Variants in PCSK5 observed in about 807,000 individuals in gnomAD.
PCSK5 encodes the protein proprotein convertase subtilisin/kexin type 5.
A neutral mutation model predicts 233.2 loss-of-function variants in PCSK5; 129 were observed. The observed-to-expected ratio is 0.55, with a 90% CI of 0.48 to 0.64. The LOEUF is 0.64. Among genes scored for constraint, PCSK5 ranks in the 30% least tolerant of loss-of-function variants. The pLI, the probability that PCSK5 is intolerant of heterozygous loss-of-function variation, is 0.00. For synonymous variants in PCSK5, 825 were observed against 879.2 expected (o/e 0.94, Z 1.09); for missense variants, 2,076 against 2,430.1 (o/e 0.85, Z 3.06).
Position 76,328,219 on chromosome 9 carries a change from C to T in PCSK5, c.4550C>T (p.Pro1517Leu), listed in dbSNP as rs1295767631. Residue 1517 changes from proline (P) to leucine (L), a missense_variant, in exon 33 of 38, where the codon CCC (proline) becomes CTC (leucine). Transcript: ENST00000674117. ...GPAEDQCQTC[P>L]MNSLLLNTTC... is the part of the protein sequence containing the mutation. Reference sequence around the variant, plus strand: ...GCGGAGGACCAGTGTCAAACATGCCCCATGAACAGCCTTCTTCTCAGTGAG... The same window carrying T: ...GCGGAGGACCAGTGTCAAACATGCCTCATGAACAGCCTTCTTCTCAGTGAG... 1.9e-6 allele frequency: 3 copies of T among 1,611,830 alleles called. No homozygotes were observed. The highest frequency in any genetic ancestry group is 1.3e-5 in the African/African-American group (1 of 74,910).
chr9:76,223,105 C>A (rs1825782496), intron 20 of PCSK5, among the ~76,000 whole-genome samples: 2 of 152,184 alleles, frequency 1.3e-5, no homozygotes, highest in South Asian at 2.1e-4. Context: ...AACCAAGCAA[C>A]TGAATTCTCA....
chr9:76,162,045 G>A (rs1208391768), intron 12 of PCSK5, among the ~76,000 whole-genome samples: 1 of 152,180 alleles, frequency 6.6e-6, no homozygotes, highest in South Asian at 2.1e-4. Context: ...GGGAGGTAGA[G>A]AGCCTGGAGA....
At position 76,293,447 on chromosome 9, in the gene PCSK5, G is replaced by GT. The variant is rs982026529; in HGVS notation, c.3185+1180dup. ...CTCCTGACCCACTTTGTTTTTTTGGGTTTTTTTTGTTTGTTTGTTTTTAAG... is the reference window on the plus strand; with the variant it reads ...CTCCTGACCCACTTTGTTTTTTTGGGTTTTTTTTTGTTTGTTTGTTTTTAAG... On this transcript the variant is annotated intron_variant, in intron 25 of 37. Coordinates refer to ENST00000674117, the MANE Select transcript of PCSK5 (RefSeq NM_001372043.1). Among the ~76,000 whole-genome samples, 37 of 151,896 alleles carry GT rather than the reference G, an allele frequency of 2.4e-4. 1 individual carries two copies. In the East Asian group the frequency reaches 3.1e-3, roughly 13 times the overall value.
chr9:76,321,918 G>A (rs1319686539), intron 31 of PCSK5, among the ~76,000 whole-genome samples: 1 of 152,040 alleles, frequency 6.6e-6, no homozygotes, highest in Non-Finnish European at 1.5e-5. Flanking sequence ...TATCCTAGGT[G>A]CTAGAGGTAC....
At chr9:76,357,514 A>C (rs1830331230) in intron 37 of PCSK5, among the ~76,000 whole-genome samples, 1 of 151,826 alleles carries the variant, frequency 6.6e-6, no homozygotes, top group Non-Finnish European at 1.5e-5. Context: ...GCGAGACTCC[A>C]TCTCAAAAAA....
At chr9:76,318,758 G>A (rs1434462712) in intron 30 of PCSK5, among the ~76,000 whole-genome samples, 16 of 152,312 alleles carry the variant, frequency 1.1e-4, no homozygotes, top group Non-Finnish European at 2.9e-5. Flanking sequence ...ACAGCATCCA[G>A]TGGTTCCAAT....
At chr9:75,913,767 A>G (rs1346626696) in intron 1 of PCSK5, among the ~76,000 whole-genome samples, 4 of 152,224 alleles carry the variant, frequency 2.6e-5, no homozygotes, top group Admixed American at 6.5e-5. Flanking sequence ...TTACATGTAA[A>G]TACTGAAATA....
chr9:76,130,715 A>G (rs1214779522), intron 9 of PCSK5, among the ~76,000 whole-genome samples: 2 of 152,136 alleles, frequency 1.3e-5, no homozygotes, highest in Non-Finnish European at 2.9e-5. Flanking sequence ...CTTGGTTTGA[A>G]AGGTCATAGA....
chr9:76,137,824 A>G (rs1823044607), intron 10 of PCSK5, among the ~76,000 whole-genome samples: 1 of 152,088 alleles, frequency 6.6e-6, no homozygotes, highest in African/African-American at 2.4e-5. Flanking sequence ...AATATTTGCA[A>G]TGCCAGAAGG....
At chr9:75,908,941 G>GTCTGTCTATCTATCTATCTA (rs1412497396) in intron 1 of PCSK5, among the ~76,000 whole-genome samples, 1 of 116,548 alleles carries the variant, frequency 8.6e-6, no homozygotes, top group African/African-American at 3.1e-5. Context: ...CTCTCTCTCT[G>GTCTGTCTATCTATCTATCTA]TCTATCTATC....
chr9:76,315,109 C>A (rs748098637), intron 30 of PCSK5, among the ~76,000 whole-genome samples: 1 of 152,006 alleles, frequency 6.6e-6, no homozygotes, highest in East Asian at 1.9e-4. Context: ...TCCATCACCA[C>A]GCCCAGCTAA....
At chr9:76,277,200 G>A (rs1049630565) in intron 24 of PCSK5, among the ~76,000 whole-genome samples, 2 of 152,086 alleles carry the variant, frequency 1.3e-5, no homozygotes, top group African/African-American at 4.8e-5. Flanking sequence ...ACTCCAGCCT[G>A]GGCGACAGAG....
chr9:76,239,532 C>T (rs1479112612), intron 23 of PCSK5, among the ~76,000 whole-genome samples: 1 of 151,694 alleles, frequency 6.6e-6, no homozygotes, highest in Non-Finnish European at 1.5e-5. Flanking sequence ...TCTGTCTCTA[C>T]TAAACATACA....
In PCSK5 at chr9:75,908,941, GTCTATCTATCTA is replaced by G. The variant is rs58082978; in HGVS notation, c.192+17607_192+17618del. On this transcript the variant is annotated intron_variant, in intron 1 of 37. Transcript: ENST00000674117. ...TATCTATCTCTCTATCTCTCTCTCT[GTCTATCTATCTA>G]TCTATCTATCTATCTATCTATCTAT... Among the ~76,000 whole-genome samples, 114 of 116,634 alleles carry G rather than the reference GTCTATCTATCTA, an allele frequency of 9.8e-4. 1 individual carries two copies. The highest frequency in any genetic ancestry group is 4.9e-3 in the Middle Eastern group (1 of 204). The allele number at this position is 116,634 out of a possible 152,430, so 76.5% of individuals were successfully genotyped here.
chr9:75,978,869 CT>C lies in PCSK5; in HGVS notation c.298-7253del, dbSNP rs5898441. Among the ~76,000 whole-genome samples, 35 of 128,070 alleles carry C rather than the reference CT, an allele frequency of 2.7e-4. 1 individual carries two copies. Among genetic ancestry groups the C allele is most frequent in the Admixed American group, 2.4e-3 (29 of 12,134 alleles). 84.0% of individuals were successfully genotyped at this position (128,070 alleles called of 152,430 possible). A position where few individuals can be genotyped will look rare whatever the true frequency, so the allele number is the denominator to read the frequency against. ...TTTTAGGCTTTGTTTGAATGTTTCC[CT>C]TTTTTTTTTCTTTTTTTCTGAGATG... On this transcript the variant is annotated intron_variant, in intron 2 of 37. Coordinates refer to ENST00000674117, the MANE Select transcript of PCSK5 (RefSeq NM_001372043.1).
chr9:75,889,903 C>A (rs1825491445), upstream of PCSK5, among the ~76,000 whole-genome samples: 1 of 152,184 alleles, frequency 6.6e-6, no homozygotes, highest in South Asian at 2.1e-4. Flanking sequence ...TGTTACAGGA[C>A]TGTGCTTGGA....
intron 8 of PCSK5, among the ~76,000 whole-genome samples, chr9:76,100,286 A>G (rs946506847): frequency 6.6e-6 from 1 of 152,260 alleles, no homozygotes; most frequent in Non-Finnish European, 1.5e-5. Flanking sequence ...TTGTATAACG[A>G]AAGAATTCAT....
At chr9:76,110,950 T>C (rs1832187387) in intron 9 of PCSK5, among the ~76,000 whole-genome samples, 1 of 151,906 alleles carries the variant, frequency 6.6e-6, no homozygotes, top group African/African-American at 2.4e-5. Flanking sequence ...CTACTAAACA[T>C]ATAAAAATTA....
chr9:76,006,575 T>C (rs1475461914), intron 3 of PCSK5, among the ~76,000 whole-genome samples: 2 of 152,224 alleles, frequency 1.3e-5, no homozygotes, highest in Non-Finnish European at 2.9e-5. Flanking sequence ...TCTGTCTCTT[T>C]TCTCCTTCTA....
Sources: gnomAD v4.1 joint callset for allele counts (sites outside exome capture counted in the v4.1 genomes callset) on GRCh38, gnomAD v4.1.1 for gene constraint, MANE v1.5 for transcripts, NCBI Gene and HGNC (gene_info 2026-07-23, HGNC 2026-07-21) for gene names.